Variants in FARP1 observed in about 807,000 individuals in gnomAD.
FARP1 encodes the protein FERM, ARHGEF and pleckstrin domain-containing protein 1.
In FARP1, 52 loss-of-function variants were observed where a neutral mutation model predicts 128.8. That is an observed-to-expected ratio of 0.40 (90% CI 0.32 to 0.51). The LOEUF is 0.51. Ranked by LOEUF, FARP1 falls within the 20% of genes least tolerant of loss-of-function variation. The probability of loss-of-function intolerance (pLI) is 0.45; values close to 1 mark genes in which losing one functional copy is unlikely to be tolerated. For synonymous variants in FARP1, 580 were observed against 551.8 expected (o/e 1.05, Z -0.72); for missense variants, 1,333 against 1,367.9 (o/e 0.97, Z 0.40).
intron 17 of FARP1, among the ~76,000 whole-genome samples, chr13:98,428,843 A>G (rs3825435): frequency 0.4 from 61,177 of 152,168 alleles, 12,484 homozygotes; most frequent in South Asian, 0.47. Context: ...ATGTTACAAC[A>G]TGATGATGCC....
chr13:98,395,206 C>G (rs1890472832), intron 12 of FARP1, 21 bp from the exon 13 acceptor site: 1 of 1,577,386 alleles, frequency 6.3e-7, no homozygotes, highest in African/African-American at 1.4e-5. Context: ...CTCTCCGCAC[C>G]TTTTTCCCCA....
chr13:98,201,295 A>G (rs892802462), intron 1 of FARP1, among the ~76,000 whole-genome samples: 38 of 152,188 alleles, frequency 2.5e-4, no homozygotes, highest in African/African-American at 7.7e-4. Flanking sequence ...TTAAAAACCT[A>G]CGTGGGCATG....
At chr13:98,223,325 T>TTTTG (rs756735059) in intron 2 of FARP1, among the ~76,000 whole-genome samples, 1 of 152,130 alleles carries the variant, frequency 6.6e-6, no homozygotes, top group South Asian at 2.1e-4. Flanking sequence ...AGGCATTTCT[T>TTTTG]TTTGTTTGTT....
chr13:98,358,762 A>T lies in FARP1; in HGVS notation c.277-6633A>T, dbSNP rs375207706. On this transcript the variant is annotated intron_variant, in intron 3 of 26. Coordinates refer to ENST00000319562, the MANE Select transcript of FARP1 (RefSeq NM_005766.4). Reference sequence around the variant, plus strand: ...GTGATTCTCCTGCCTCAGCCTCTCGAGTAGTTGGGACTACAGGCACCTGCC... The same window carrying T: ...GTGATTCTCCTGCCTCAGCCTCTCGTGTAGTTGGGACTACAGGCACCTGCC... 2.2e-4 allele frequency among the ~76,000 whole-genome samples: 33 copies of T among 151,990 alleles called. No homozygotes were observed. The East Asian group carries it at 5.4e-3, about 25-fold the overall frequency.
chr13:98,402,920 A>G (rs1448303710), intron 13 of FARP1: 2 of 152,094 alleles, frequency 1.3e-5, no homozygotes, highest in Non-Finnish European at 2.9e-5. Context: ...CATTTTTGTC[A>G]TTTGTTTAAT....
At chr13:98,400,974 C>T (rs1035644917) in intron 13 of FARP1, 44 of 152,292 alleles carry the variant, frequency 2.9e-4, no homozygotes, top group Admixed American at 2.4e-3. Context: ...TCACGGTCAT[C>T]ATCAAGGTCT....
At chr13:98,148,841 G>A (rs902565498) in intron 1 of FARP1, among the ~76,000 whole-genome samples, 6 of 151,302 alleles carry the variant, frequency 4.0e-5, no homozygotes, top group African/African-American at 1.5e-4. Context: ...AGATGCTTTG[G>A]TGTTCTGCAG....
At chr13:98,236,026 G>A (rs1805733546) in intron 2 of FARP1, among the ~76,000 whole-genome samples, 1 of 152,114 alleles carries the variant, frequency 6.6e-6, no homozygotes, top group Non-Finnish European at 1.5e-5. Flanking sequence ...GTTTCTCCAT[G>A]TTTGTCAGGC....
chr13:98,206,486 T>C (rs1303562742), intron 1 of FARP1, among the ~76,000 whole-genome samples: 1 of 152,172 alleles, frequency 6.6e-6, no homozygotes, highest in African/African-American at 2.4e-5. Context: ...TTATCTGAGA[T>C]CTGTAGCCAT....
intron 2 of FARP1, among the ~76,000 whole-genome samples, chr13:98,232,356 T>C (rs775541249): frequency 2.0e-5 from 3 of 152,308 alleles, no homozygotes; most frequent in Admixed American, 6.5e-5. Context: ...GCTAGGAGTG[T>C]AGATTTCATA....
At chr13:98,374,435 T>G (rs1364621923) in intron 5 of FARP1, among the ~76,000 whole-genome samples, 3 of 152,078 alleles carry the variant, frequency 2.0e-5, no homozygotes, top group African/African-American at 7.2e-5. Flanking sequence ...AATCAGTCAA[T>G]TAATCAATCA....
intron 16 of FARP1, among the ~76,000 whole-genome samples, chr13:98,421,475 A>G (rs969814161): frequency 2.0e-5 from 3 of 152,132 alleles, no homozygotes; most frequent in African/African-American, 7.2e-5. Flanking sequence ...AGAATATCTA[A>G]ATGATGTCCT....
At chr13:98,426,093 A>C (rs1481578681) in intron 17 of FARP1, among the ~76,000 whole-genome samples, 1 of 152,190 alleles carries the variant, frequency 6.6e-6, no homozygotes, top group Non-Finnish European at 1.5e-5. Flanking sequence ...CTGAGCACCT[A>C]CTATACACAA....
chr13:98,247,173 C>T lies in FARP1; in HGVS notation c.171+33760C>T, dbSNP rs377753393. Among the ~76,000 whole-genome samples the T allele has an allele frequency of 1.5e-4, 23 of 152,272 alleles. No individual in the cohort carries two copies. In the South Asian group the frequency reaches 4.6e-3, roughly 30 times the overall value. On this transcript the variant is annotated intron_variant, in intron 2 of 26. Coordinates refer to ENST00000319562, the MANE Select transcript of FARP1 (RefSeq NM_005766.4). ...AGAAGAATCACTGGAACCCAGGAGG[C>T]GGAGGTTGCAGTGAGCTGAGATCGC...
intron 1 of FARP1, among the ~76,000 whole-genome samples, chr13:98,207,934 AC>A (rs1194012423): frequency 1.4e-5 from 2 of 146,246 alleles, no homozygotes; most frequent in African/African-American, 2.5e-5. Flanking sequence ...ACACACACAC[AC>A]ACACACACAC....
intron 2 of FARP1, among the ~76,000 whole-genome samples, chr13:98,313,884 A>G (rs1230873963): frequency 6.6e-6 from 1 of 152,186 alleles, no homozygotes; most frequent in Admixed American, 6.5e-5. Flanking sequence ...CACTTTTAGG[A>G]AAGACTAGAC....
intron 2 of FARP1, among the ~76,000 whole-genome samples, chr13:98,290,204 C>A (rs1885386724): frequency 1.3e-5 from 2 of 151,942 alleles, no homozygotes; most frequent in South Asian, 4.1e-4. Context: ...AGGAAAAGAC[C>A]TAACTACATC....
intron 3 of FARP1, among the ~76,000 whole-genome samples, chr13:98,352,881 A>G (rs1270437090): frequency 6.6e-6 from 1 of 152,192 alleles, no homozygotes; most frequent in Non-Finnish European, 1.5e-5. Flanking sequence ...AGAGGAAGCT[A>G]TAGATTAAAC....
chr13:98,358,076 T>G (rs567920773), intron 3 of FARP1, among the ~76,000 whole-genome samples: 80 of 152,086 alleles, frequency 5.3e-4, no homozygotes, highest in South Asian at 3.1e-3. Context: ...TTTCTGTTTT[T>G]TTTTTTTTTT....
Sources: allele counts gnomAD v4.1 joint callset (sites outside exome capture counted in the v4.1 genomes callset), GRCh38; gene constraint gnomAD v4.1.1; transcripts MANE v1.5; gene names NCBI Gene and HGNC (gene_info 2026-07-23, HGNC 2026-07-21).